The following SPINK5 variants were observed in gnomAD, a reference collection of about 807,000 sequenced individuals.
SPINK5 encodes serine peptidase inhibitor Kazal type 5.
In SPINK5, 125 loss-of-function variants were observed where a neutral mutation model predicts 151.8. That is an observed-to-expected ratio of 0.82 (90% CI 0.71 to 0.96). The LOEUF (loss-of-function observed/expected upper bound fraction) is 0.96, where lower values mean the gene tolerates loss of function less well. SPINK5 is among the 40% of genes least tolerant of loss of function. SPINK5 has a pLI of 0.00. For missense variants in SPINK5, 1,194 were observed against 1,291.9 expected, an observed-to-expected ratio of 0.92 and a Z score of 1.16; for synonymous variants, 374 against 395.3, an observed-to-expected ratio of 0.95 and a Z score of 0.64.
rs1231708965 is a variant in SPINK5, at chr5:148,072,053, G to A, written c.210-95G>A. On this transcript the variant is annotated intron_variant, in intron 3 of 32. Coordinates refer to ENST00000256084, the MANE Select transcript of SPINK5 (RefSeq NM_006846.4). ...ATTTTGACATGCCAGGCTAGGCTGA[G>A]GAGAGCAGTTAAAATTAAGTTTACC... The A allele has an allele frequency of 5.1e-6, 6 of 1,167,172 alleles. No individual in the cohort carries two copies. In the East Asian group the frequency reaches 9.7e-5, roughly 19 times the overall value. 72.3% of individuals were successfully genotyped at this position (1,167,172 alleles called of 1,614,324 possible).
intron 2 of SPINK5, among the ~76,000 whole-genome samples, chr5:148,067,716 G>A (rs1752621861): frequency 6.6e-6 from 1 of 152,132 alleles, no homozygotes; most frequent in Non-Finnish European, 1.5e-5. Context: ...TAGGAATTAA[G>A]TTCTCATCTA....
chr5:148,087,761 G>A (rs979497994), intron 5 of SPINK5, among the ~76,000 whole-genome samples: 2 of 151,744 alleles, frequency 1.3e-5, no homozygotes, highest in Non-Finnish European at 2.9e-5. Flanking sequence ...TTTGTACTAT[G>A]TACTTTGTAC....
At chr5:148,078,428 C>T (rs140439428) in intron 4 of SPINK5, among the ~76,000 whole-genome samples, 37 of 151,162 alleles carry the variant, frequency 2.4e-4, no homozygotes, top group African/African-American at 8.9e-4. Flanking sequence ...AGAATACTAT[C>T]AACTAATTCA....
chr5:148,084,714 T>C (rs752956994), intron 4 of SPINK5, among the ~76,000 whole-genome samples: 1 of 151,926 alleles, frequency 6.6e-6, no homozygotes, highest in Non-Finnish European at 1.5e-5. Flanking sequence ...TATGCTTCGG[T>C]CACATTTCCC....
chr5:148,081,743 G>T (rs1029657719), intron 4 of SPINK5, among the ~76,000 whole-genome samples: 5 of 151,404 alleles, frequency 3.3e-5, no homozygotes, highest in African/African-American at 1.2e-4. Context: ...ACTTTCAATG[G>T]GTGAATTTTA....
At chr5:148,064,401 T>C (rs1381047701) in intron 1 of SPINK5, among the ~76,000 whole-genome samples, 1 of 152,228 alleles carries the variant, frequency 6.6e-6, no homozygotes, top group Non-Finnish European at 1.5e-5. Context: ...TTGCTAAATG[T>C]ATCAATTCAT....
Position 148,112,935 on chromosome 5 carries a change from G to A in SPINK5, c.1887+1G>A, listed in dbSNP as rs1042707088. The A allele has an allele frequency of 4.3e-6, 7 of 1,613,644 alleles. No homozygotes were observed. Among genetic ancestry groups the A allele is most frequent in the Non-Finnish European group, 5.9e-6 (7 of 1,179,780 alleles). On this transcript the variant is annotated splice_donor_variant, in intron 20 of 32. Transcript: ENST00000256084. LOFTEE classifies it high-confidence loss of function. ...AAAAGTCAAAAGAGAAGCTGAAAAGGTAGTAATCCTGAATGTTTATACTGC... is the reference window on the plus strand; with the variant it reads ...AAAAGTCAAAAGAGAAGCTGAAAAGATAGTAATCCTGAATGTTTATACTGC...
chr5:148,127,875 C>G (rs544418517), intron 30 of SPINK5, among the ~76,000 whole-genome samples: 1 of 151,958 alleles, frequency 6.6e-6, no homozygotes, highest in Non-Finnish European at 1.5e-5. Flanking sequence ...TCCTCTCTCT[C>G]GTAGCTGATG....
chr5:148,100,947 G>A (rs1753625793), intron 13 of SPINK5, among the ~76,000 whole-genome samples: 1 of 152,078 alleles, frequency 6.6e-6, no homozygotes, highest in Non-Finnish European at 1.5e-5. Flanking sequence ...AACAGTTTGC[G>A]GATTTCAAAG....
intron 2 of SPINK5, among the ~76,000 whole-genome samples, chr5:148,066,756 G>A (rs141916873): frequency 2.0e-5 from 3 of 152,048 alleles, no homozygotes; most frequent in Non-Finnish European, 4.4e-5. Flanking sequence ...TTCAGAGTCC[G>A]TGATGATGGT....
chr5:148,092,577 T>C (rs2113082201), intron 8 of SPINK5, among the ~76,000 whole-genome samples: 1 of 152,066 alleles, frequency 6.6e-6, no homozygotes, highest in South Asian at 2.1e-4. Context: ...GACTGCTTTA[T>C]TGTGATGGCT....
chr5:148,108,089 GT>G, intron 17 of SPINK5, among the ~76,000 whole-genome samples: 1 of 152,034 alleles, frequency 6.6e-6, no homozygotes, highest in East Asian at 1.9e-4. Context: ...TCTCTCACCC[GT>G]TCAATTTGCT....
chr5:148,136,428 G>C (rs1314290438), intron 32 of SPINK5, among the ~76,000 whole-genome samples: 4 of 152,112 alleles, frequency 2.6e-5, no homozygotes, highest in South Asian at 2.1e-4. Context: ...ACTAGTTGAA[G>C]ATGTGCAGTT....
At chr5:148,114,301 G>A in intron 20 of SPINK5, 61 bp from the exon 21 acceptor site, 11 of 1,571,288 alleles carry the variant, frequency 7.0e-6, no homozygotes, top group Non-Finnish European at 9.5e-6. Flanking sequence ...CACTTAGTAG[G>A]AACCCAGTAA....
At chr5:148,118,701 T>C in intron 23 of SPINK5, 137 bp downstream of exon 23, 1 of 1,297,180 alleles carries the variant, frequency 7.7e-7, no homozygotes, top group Non-Finnish European at 1.1e-6. Context: ...TTTTTTTCTC[T>C]TGCGTTCTCT....
intron 18 of SPINK5, 149 bp from the exon 19 acceptor site, chr5:148,111,619 C>G: frequency 9.0e-7 from 1 of 1,115,920 alleles, no homozygotes; most frequent in South Asian, 1.3e-5. Context: ...TGACCTAGTT[C>G]TCTGAAAAGC....
In SPINK5 at chr5:148,072,292, T is replaced by C. The variant is rs1752760833; in HGVS notation, c.282+72T>C. ...ACTCTATTTAGAGCTATCTGTTTATTCCTTAATTACTAGGTCATACCTGTT... is the reference window on the plus strand; with the variant it reads ...ACTCTATTTAGAGCTATCTGTTTATCCCTTAATTACTAGGTCATACCTGTT... On this transcript the variant is annotated intron_variant, in intron 4 of 32. Transcript: ENST00000256084. 9 of 1,500,648 alleles carry C rather than the reference T, an allele frequency of 6.0e-6. No homozygotes were observed. In the East Asian group the frequency reaches 2.0e-4, roughly 34 times the overall value. 93.0% of individuals were successfully genotyped at this position (1,500,648 alleles called of 1,614,324 possible). A position where few individuals can be genotyped will look rare whatever the true frequency, so the allele number is the denominator to read the frequency against.
chr5:148,106,285 T>A (rs992709185), intron 16 of SPINK5, among the ~76,000 whole-genome samples: 5 of 152,066 alleles, frequency 3.3e-5, no homozygotes, highest in Non-Finnish European at 5.9e-5. Context: ...TCAGACTTAT[T>A]CTCTTCTCTA....
At chr5:148,078,850 C>T (rs982374762) in intron 4 of SPINK5, among the ~76,000 whole-genome samples, 24 of 150,420 alleles carry the variant, frequency 1.6e-4, no homozygotes, top group African/African-American at 5.6e-4. Flanking sequence ...TAATCCTCTA[C>T]CTTGAGAATA....
Sources: gnomAD v4.1 joint callset for allele counts (sites outside exome capture counted in the v4.1 genomes callset) on GRCh38, gnomAD v4.1.1 for gene constraint, MANE v1.5 for transcripts, NCBI Gene and HGNC (gene_info 2026-07-23, HGNC 2026-07-21) for gene names.